The following METTL15 variants were observed in gnomAD, a reference collection of about 807,000 sequenced individuals.
METTL15 encodes the protein methyltransferase 15, mitochondrial 12S rRNA N4-cytidine.
Under a neutral mutation model 38.3 loss-of-function variants are expected in METTL15, and 34 were observed. That is an observed-to-expected ratio of 0.89 (90% CI 0.68 to 1.18). The LOEUF (loss-of-function observed/expected upper bound fraction) is 1.18. METTL15 is among the 50% of genes most tolerant of loss of function. The pLI is 0.00. For missense variants in METTL15, 438 were observed against 498.4 expected, an observed-to-expected ratio of 0.88 and a Z score of 1.15; for synonymous variants, 162 against 170.9, an observed-to-expected ratio of 0.95 and a Z score of 0.41.
downstream of METTL15, among the ~76,000 whole-genome samples, chr11:28,527,892 G>C (rs949753404): frequency 6.6e-6 from 1 of 152,044 alleles, no homozygotes; most frequent in African/African-American, 2.4e-5. Context: ...ATAATTCCAG[G>C]TCTGGCATTA....
At chr11:28,213,658 CTTTT>C (rs34361912) in intron 4 of METTL15, among the ~76,000 whole-genome samples, 1 of 131,984 alleles carries the variant, frequency 7.6e-6, no homozygotes, top group Non-Finnish European at 1.6e-5. Flanking sequence ...GCCTTTTTTT[CTTTT>C]TTTTTTTTTT....
intron 4 of METTL15, among the ~76,000 whole-genome samples, chr11:28,253,985 T>A (rs1854861565): frequency 6.6e-6 from 1 of 152,202 alleles, no homozygotes; most frequent in African/African-American, 2.4e-5. Context: ...TCCTTTCTTT[T>A]GGGTATATAC....
At chr11:28,393,545 A>C (rs2133396106) in intron 5 of METTL15, among the ~76,000 whole-genome samples, 1 of 152,160 alleles carries the variant, frequency 6.6e-6, no homozygotes, top group African/African-American at 2.4e-5. Context: ...CAAAATGATA[A>C]AATGACCCGT....
At chr11:28,367,363 A>G (rs914355286) in intron 5 of METTL15, among the ~76,000 whole-genome samples, 1 of 152,170 alleles carries the variant, frequency 6.6e-6, no homozygotes, top group African/African-American at 2.4e-5. Flanking sequence ...GAGAAAACAC[A>G]TTCCTGAAAA....
chr11:28,513,568 T>G (rs1035861681), intron 6 of METTL15, among the ~76,000 whole-genome samples: 1 of 151,684 alleles, frequency 6.6e-6, no homozygotes. Context: ...CACACAGAAA[T>G]ATAGAGGTGT....
At chr11:28,148,505 A>G (rs1409829808) in intron 3 of METTL15, among the ~76,000 whole-genome samples, 3 of 151,844 alleles carry the variant, frequency 2.0e-5, no homozygotes, top group African/African-American at 4.8e-5. Flanking sequence ...TACTGATTCT[A>G]TGTTCTATCA....
intron 5 of METTL15, among the ~76,000 whole-genome samples, chr11:28,370,530 T>A (rs1303443425): frequency 6.6e-6 from 1 of 152,038 alleles, no homozygotes; most frequent in Non-Finnish European, 1.5e-5. Context: ...AGTGCAGATA[T>A]CTTTTTGATA....
intron 3 of METTL15, among the ~76,000 whole-genome samples, chr11:28,150,785 T>C (rs994557648): frequency 1.3e-5 from 2 of 151,830 alleles, no homozygotes; most frequent in African/African-American, 4.8e-5. Context: ...GTTGAGACTT[T>C]AGCTTTACTT....
chr11:28,321,952 C>A (rs1205958097), intron 6 of METTL15, among the ~76,000 whole-genome samples: 1 of 151,064 alleles, frequency 6.6e-6, no homozygotes, highest in Non-Finnish European at 1.5e-5. Context: ...CAAATGGGTA[C>A]GAAAAGAATG....
intron 3 of METTL15, chr11:28,122,110 C>G (rs1227264819): frequency 2.5e-6 from 3 of 1,200,616 alleles, no homozygotes; most frequent in Non-Finnish European, 2.1e-6. Context: ...CTTACTCACT[C>G]AAAGTATCAA....
chr11:28,244,884 T>A (rs1399006006), intron 4 of METTL15, among the ~76,000 whole-genome samples: 1 of 152,250 alleles, frequency 6.6e-6, no homozygotes, highest in Non-Finnish European at 1.5e-5. Flanking sequence ...AGAGATATCC[T>A]GTCTTTTCTC....
chr11:28,339,299 A>T (rs919392436), intron 3 of METTL15, among the ~76,000 whole-genome samples: 3 of 152,110 alleles, frequency 2.0e-5, no homozygotes, highest in Non-Finnish European at 4.4e-5. Context: ...AATACATATA[A>T]TAAAAAAGAT....
At position 28,189,401 on chromosome 11, in the gene METTL15, A is replaced by C. The variant is rs188466229; in HGVS notation, c.271-21661A>C. Among the ~76,000 whole-genome samples, 6 of 151,468 alleles carry C rather than the reference A, an allele frequency of 4.0e-5. No homozygotes were observed. The Admixed American group carries it at 4.0e-4, about 10-fold the overall frequency. On this transcript the variant is annotated intron_variant, in intron 3 of 6. Coordinates refer to ENST00000407364, the MANE Select transcript of METTL15 (RefSeq NM_001113528.2). ...TAGATAAATATAGGATTATGTCTAA[A>C]GTCAATATCAAATATTATTTTTGAA...
At chr11:28,283,799 T>A (rs1444121297) in intron 4 of METTL15, among the ~76,000 whole-genome samples, 1 of 152,178 alleles carries the variant, frequency 6.6e-6, no homozygotes, top group Non-Finnish European at 1.5e-5. Flanking sequence ...GTGTTCTGGA[T>A]CACAAGCAAC....
chr11:28,240,858 G>A (rs955712884), intron 4 of METTL15, among the ~76,000 whole-genome samples: 1 of 152,056 alleles, frequency 6.6e-6, no homozygotes, highest in Non-Finnish European at 1.5e-5. Flanking sequence ...TTGAATAATG[G>A]ATAACCCTTT....
chr11:28,413,868 A>G (rs1850749917), intron 5 of METTL15, among the ~76,000 whole-genome samples: 1 of 152,192 alleles, frequency 6.6e-6, no homozygotes, highest in African/African-American at 2.4e-5. Flanking sequence ...TGGTCCCTCT[A>G]ATCTAGTCTT....
At chr11:28,255,296 T>C (rs1234430286) in intron 4 of METTL15, among the ~76,000 whole-genome samples, 1 of 152,194 alleles carries the variant, frequency 6.6e-6, no homozygotes, top group Non-Finnish European at 1.5e-5. Flanking sequence ...ATGCTACTGA[T>C]TTTTGTATGT....
At chr11:28,373,602 G>A (rs934410708) in intron 5 of METTL15, among the ~76,000 whole-genome samples, 1 of 151,712 alleles carries the variant, frequency 6.6e-6, no homozygotes, top group Admixed American at 6.6e-5. Context: ...CTTTTGCTGT[G>A]CAGAAGCTCT....
At chr11:28,304,294 G>A (rs910282187) in intron 6 of METTL15, among the ~76,000 whole-genome samples, 3 of 152,032 alleles carry the variant, frequency 2.0e-5, no homozygotes, top group Admixed American at 2.0e-4. Flanking sequence ...TTCTGCACTG[G>A]GACATGTTAA....
Sources: allele counts gnomAD v4.1 joint callset (sites outside exome capture counted in the v4.1 genomes callset), GRCh38; gene constraint gnomAD v4.1.1; transcripts MANE v1.5; gene names NCBI Gene and HGNC (gene_info 2026-07-23, HGNC 2026-07-21).